Variants in DLG2 observed in about 807,000 individuals in gnomAD.
DLG2 encodes disks large homolog 2.
In DLG2, 45 loss-of-function variants were observed where a neutral mutation model predicts 132.5. The ratio of observed to expected loss-of-function variants is 0.34; its 90% CI spans 0.27 to 0.44. DLG2 has a LOEUF of 0.44. Among genes scored for constraint, DLG2 ranks in the 20% least tolerant of loss-of-function variants. The pLI is 1.00. For missense variants in DLG2, 1,045 were observed against 1,196.9 expected, an observed-to-expected ratio of 0.87 and a Z score of 1.87; for synonymous variants, 424 against 419.6, an observed-to-expected ratio of 1.01 and a Z score of -0.13.
At position 83,747,060 on chromosome 11, in the gene DLG2, A is replaced by G. The variant is rs1408599380; in HGVS notation, c.1825+39630T>C. On this transcript the variant is annotated intron_variant, in intron 18 of 27. Transcript: ENST00000376104. ...AAATTGATGGACATATAATAACCTT[A>G]AACAGTACCTTGGAATATTATACAA... Among the ~76,000 whole-genome samples the G allele has an allele frequency of 2.6e-5, 4 of 152,130 alleles. No individual in the cohort carries two copies. The East Asian group carries it at 7.7e-4, about 29-fold the overall frequency.
chr11:83,970,760 A>G (rs978563821), intron 12 of DLG2, among the ~76,000 whole-genome samples: 6 of 152,240 alleles, frequency 3.9e-5, no homozygotes, highest in Admixed American at 1.3e-4. Context: ...GTTAGCTCTT[A>G]TCACTAATAC....
intron 3 of DLG2, among the ~76,000 whole-genome samples, chr11:85,553,490 T>G (rs1270403320): frequency 6.6e-6 from 1 of 151,626 alleles, no homozygotes; most frequent in Non-Finnish European, 1.5e-5. Context: ...CTAATCTGTT[T>G]GTATTTTTGG....
chr11:85,315,814 T>C (rs1264543518), intron 3 of DLG2, among the ~76,000 whole-genome samples: 2 of 151,970 alleles, frequency 1.3e-5, no homozygotes, highest in African/African-American at 4.8e-5. Context: ...GGAGGCTGTG[T>C]AGGATATTTA....
chr11:84,477,267 G>A (rs2099124284), intron 7 of DLG2, among the ~76,000 whole-genome samples: 4 of 152,002 alleles, frequency 2.6e-5, no homozygotes, highest in Admixed American at 6.6e-5. Flanking sequence ...GGCTGAAGTG[G>A]GTGGATAACC....
chr11:85,104,413 C>T (rs955986827), intron 6 of DLG2, among the ~76,000 whole-genome samples: 3 of 151,900 alleles, frequency 2.0e-5, no homozygotes, highest in Middle Eastern at 3.4e-3. Context: ...ACAACATGGA[C>T]GAACCTTGGA....
intron 3 of DLG2, among the ~76,000 whole-genome samples, chr11:85,408,990 C>T (rs1410527303): frequency 2.6e-5 from 4 of 151,862 alleles, no homozygotes; most frequent in African/African-American, 7.3e-5. Flanking sequence ...GCTCTTATGA[C>T]AACTTAGTGA....
At chr11:83,490,865 T>C (rs2093800675) in intron 21 of DLG2, among the ~76,000 whole-genome samples, 1 of 151,956 alleles carries the variant, frequency 6.6e-6, no homozygotes, top group Non-Finnish European at 1.5e-5. Flanking sequence ...CAGAATGCAA[T>C]GTGTAGTCCT....
At chr11:83,762,406 C>T (rs1160029335) in intron 18 of DLG2, among the ~76,000 whole-genome samples, 1 of 152,144 alleles carries the variant, frequency 6.6e-6, no homozygotes, top group Non-Finnish European at 1.5e-5. Context: ...TAAGTTAGGG[C>T]AAAATTGTCA....
At chr11:83,699,284 T>C (rs1316703587) in intron 18 of DLG2, among the ~76,000 whole-genome samples, 2 of 152,144 alleles carry the variant, frequency 1.3e-5, no homozygotes, top group Admixed American at 6.5e-5. Flanking sequence ...ATCTTTAAAA[T>C]TGAGATAATA....
chr11:84,227,533 T>C (rs1253466114), intron 8 of DLG2, among the ~76,000 whole-genome samples: 2 of 152,212 alleles, frequency 1.3e-5, no homozygotes, highest in African/African-American at 2.4e-5. Context: ...AATAATCTTA[T>C]ATTAAACTAT....
chr11:83,969,722 T>C (rs185030051), intron 12 of DLG2, among the ~76,000 whole-genome samples: 2 of 152,156 alleles, frequency 1.3e-5, no homozygotes, highest in East Asian at 3.9e-4. Context: ...TACAGGCATA[T>C]GCCACCACTG....
intron 17 of DLG2, among the ~76,000 whole-genome samples, chr11:83,806,760 A>C (rs2046010413): frequency 6.6e-6 from 1 of 152,162 alleles, no homozygotes; most frequent in Admixed American, 6.6e-5. Flanking sequence ...AGAAGCCTTA[A>C]GGTTCACAAA....
chr11:84,951,702 TAC>T (rs529714159), intron 6 of DLG2, among the ~76,000 whole-genome samples: 1 of 150,646 alleles, frequency 6.6e-6, no homozygotes, highest in South Asian at 2.1e-4. Context: ...TATATATATA[TAC>T]ACACACGTAT....
intron 17 of DLG2, among the ~76,000 whole-genome samples, chr11:83,816,961 C>T (rs556203879): frequency 2.2e-5 from 3 of 136,804 alleles, no homozygotes; most frequent in East Asian, 2.1e-4. Flanking sequence ...TTGTGTCCTG[C>T]GCAATACAGG....
chr11:84,960,478 C>A (rs1229604823), intron 6 of DLG2, among the ~76,000 whole-genome samples: 6 of 151,536 alleles, frequency 4.0e-5, no homozygotes, highest in Admixed American at 3.9e-4. Context: ...CTCTGTCACC[C>A]AGGCTGGAGT....
At chr11:84,610,858 T>G (rs2099594170) in intron 6 of DLG2, among the ~76,000 whole-genome samples, 1 of 152,112 alleles carries the variant, frequency 6.6e-6, no homozygotes, top group Non-Finnish European at 1.5e-5. Context: ...CCCTCTGGAA[T>G]TCATACACGC....
At chr11:83,907,039 G>C (rs2075131194) in intron 15 of DLG2, among the ~76,000 whole-genome samples, 1 of 152,170 alleles carries the variant, frequency 6.6e-6, no homozygotes, top group Non-Finnish European at 1.5e-5. Context: ...GGAAGAATCA[G>C]AAAAAGATCC....
chr11:85,294,642 G>T (rs1250126925), intron 3 of DLG2, among the ~76,000 whole-genome samples: 3 of 152,054 alleles, frequency 2.0e-5, no homozygotes, highest in African/African-American at 7.2e-5. Flanking sequence ...ATAGTAAATG[G>T]TAGCTATGAT....
At chr11:85,423,334 C>T (rs2090464604) in intron 3 of DLG2, among the ~76,000 whole-genome samples, 1 of 152,158 alleles carries the variant, frequency 6.6e-6, no homozygotes, top group South Asian at 2.1e-4. Context: ...GTGGAGGTGG[C>T]AGGTGGATGT....
Sources: gnomAD v4.1 joint callset for allele counts (sites outside exome capture counted in the v4.1 genomes callset) on GRCh38, gnomAD v4.1.1 for gene constraint, MANE v1.5 for transcripts, NCBI Gene and HGNC (gene_info 2026-07-23, HGNC 2026-07-21) for gene names.